Variants in ALK observed in about 807,000 individuals in gnomAD.
The protein encoded by ALK is ALK tyrosine kinase receptor.
A neutral mutation model predicts 163.1 loss-of-function variants in ALK; 74 were observed. The ratio of observed to expected loss-of-function variants is 0.45; its 90% CI spans 0.38 to 0.55. ALK has a LOEUF of 0.55. Ranked by LOEUF, ALK falls within the 20% of genes least tolerant of loss-of-function variation. ALK has a pLI of 0.00. For missense variants in ALK, 2,063 were observed against 2,105.3 expected, an observed-to-expected ratio of 0.98 and a Z score of 0.39; for synonymous variants, 960 against 843.2, an observed-to-expected ratio of 1.14 and a Z score of -2.40.
At chr2:29,348,193 T>C (rs926358576) in intron 5 of ALK, among the ~76,000 whole-genome samples, 1 of 152,142 alleles carries the variant, frequency 6.6e-6, no homozygotes. Context: ...CCTACCCTAG[T>C]GAGCCCAAGT....
At chr2:29,861,985 A>G (rs1477260998) in intron 1 of ALK, among the ~76,000 whole-genome samples, 1 of 152,226 alleles carries the variant, frequency 6.6e-6, no homozygotes, top group Non-Finnish European at 1.5e-5. Flanking sequence ...ACACAAATCA[A>G]TCAATATGAT....
intron 4 of ALK, among the ~76,000 whole-genome samples, chr2:29,413,684 A>G (rs904370735): frequency 6.6e-6 from 1 of 152,020 alleles, no homozygotes; most frequent in Non-Finnish European, 1.5e-5. Flanking sequence ...GGCACCCTCC[A>G]CCATGCCCGG....
intron 1 of ALK, among the ~76,000 whole-genome samples, chr2:29,770,901 T>C (rs897649223): frequency 6.7e-5 from 10 of 148,264 alleles, no homozygotes; most frequent in African/African-American, 2.2e-4. Flanking sequence ...ACACACACAG[T>C]CTCACACACA....
chr2:29,315,340 C>T (rs1230211511), intron 8 of ALK, among the ~76,000 whole-genome samples: 1 of 152,120 alleles, frequency 6.6e-6, no homozygotes, highest in Non-Finnish European at 1.5e-5. Context: ...TGTGGCTATG[C>T]CTCCATCATG....
intron 1 of ALK, among the ~76,000 whole-genome samples, chr2:29,731,854 T>C (rs1679750711): frequency 6.6e-6 from 1 of 152,222 alleles, no homozygotes; most frequent in Non-Finnish European, 1.5e-5. Flanking sequence ...CTTATAATTG[T>C]GGACCAAGAG....
chr2:29,907,603 T>C (rs1042400654), intron 1 of ALK, among the ~76,000 whole-genome samples: 27 of 152,238 alleles, frequency 1.8e-4, no homozygotes, highest in Admixed American at 6.5e-5. Flanking sequence ...GGTGATGTCA[T>C]TGACTCCATT....
At chr2:29,630,602 T>A (rs1227623860) in intron 3 of ALK, among the ~76,000 whole-genome samples, 11 of 152,124 alleles carry the variant, frequency 7.2e-5, no homozygotes, top group African/African-American at 2.2e-4. Context: ...ATATAATTTT[T>A]AAAATATTGT....
rs1558658399 is a variant in ALK, at chr2:29,297,007, C to T, written c.1698G>A (p.Leu566=). The change falls in exon 9 of 29, where the codon TTG becomes TTA. Residue 566 remains leucine (L), a synonymous_variant. Transcript: ENST00000389048. ...IRGVLRGNVS[L]VLVENKTGKE... ...TCCCGGTTTTGTTCTCCACTAGCAC[C>T]AAGGACACGTTTCCCCTCAAGACTC... The T allele has an allele frequency of 1.9e-6, 3 of 1,614,182 alleles. No homozygotes were observed. In the Admixed American group the frequency reaches 5.0e-5, roughly 27 times the overall value.
intron 1 of ALK, among the ~76,000 whole-genome samples, chr2:29,894,997 T>C (rs1368468835): frequency 6.6e-6 from 1 of 152,156 alleles, no homozygotes; most frequent in African/African-American, 2.4e-5. Flanking sequence ...TGGTAAAACC[T>C]CCATATGTCA....
At chr2:29,775,838 T>A (rs1277210306) in intron 1 of ALK, among the ~76,000 whole-genome samples, 1 of 152,206 alleles carries the variant, frequency 6.6e-6, no homozygotes. Context: ...GATCAATGAC[T>A]GTAGTTTAAA....
chr2:29,473,972 A>C (rs539537428), intron 4 of ALK, among the ~76,000 whole-genome samples: 26 of 152,246 alleles, frequency 1.7e-4, no homozygotes, highest in Non-Finnish European at 3.4e-4. Flanking sequence ...TTCTCAATAC[A>C]TTGCTGGGAG....
intron 4 of ALK, among the ~76,000 whole-genome samples, chr2:29,509,411 C>T (rs930179375): frequency 6.6e-5 from 10 of 152,114 alleles, no homozygotes; most frequent in African/African-American, 1.9e-4. Flanking sequence ...ATTAGATCAG[C>T]GAAAGCTTTC....
intron 23 of ALK, among the ~76,000 whole-genome samples, chr2:29,215,550 C>A (rs982684622): frequency 2.0e-5 from 3 of 152,142 alleles, no homozygotes; most frequent in African/African-American, 7.2e-5. Context: ...AGAGAGGCTA[C>A]CTGACTCACC....
chr2:29,735,216 T>C (rs899748654), intron 1 of ALK, among the ~76,000 whole-genome samples: 4 of 152,104 alleles, frequency 2.6e-5, no homozygotes, highest in African/African-American at 4.8e-5. Context: ...GATTTGGATA[T>C]ACCATTCCCC....
intron 3 of ALK, among the ~76,000 whole-genome samples, chr2:29,609,989 T>A (rs1314404244): frequency 1.3e-5 from 2 of 152,128 alleles, no homozygotes; most frequent in African/African-American, 4.8e-5. Flanking sequence ...AAAACCAACC[T>A]CCCTAAAGCT....
At chr2:29,811,945 G>A (rs185835372) in intron 1 of ALK, among the ~76,000 whole-genome samples, 159 of 152,342 alleles carry the variant, frequency 1.0e-3, no homozygotes, top group Non-Finnish European at 1.7e-3. Flanking sequence ...AGGTGGCATA[G>A]AGGGTGCAAG....
intron 4 of ALK, among the ~76,000 whole-genome samples, chr2:29,426,811 G>A (rs1032734037): frequency 6.6e-6 from 1 of 151,978 alleles, no homozygotes; most frequent in Non-Finnish European, 1.5e-5. Context: ...AGGCCGAGGT[G>A]GGTAGATCAC....
At chr2:29,866,912 G>C (rs1666449945) in intron 1 of ALK, among the ~76,000 whole-genome samples, 1 of 152,208 alleles carries the variant, frequency 6.6e-6, no homozygotes, top group African/African-American at 2.4e-5. Flanking sequence ...GTGTGCACCA[G>C]AATCAGAACT....
At chr2:29,215,117 T>C in intron 23 of ALK, among the ~76,000 whole-genome samples, 1 of 152,222 alleles carries the variant, frequency 6.6e-6, no homozygotes, top group East Asian at 1.9e-4. Context: ...CTGGTGACTC[T>C]TGAGCACCTG....
Sources: allele counts gnomAD v4.1 joint callset (sites outside exome capture counted in the v4.1 genomes callset), GRCh38; gene constraint gnomAD v4.1.1; transcripts MANE v1.5; gene names NCBI Gene and HGNC (gene_info 2026-07-23, HGNC 2026-07-21).